Variants in SMCO4 observed in about 807,000 individuals in gnomAD.
SMCO4 encodes the protein single-pass membrane and coiled-coil domain-containing protein 4.
A neutral mutation model predicts 3.6 loss-of-function variants in SMCO4; 4 were observed. The observed-to-expected ratio is 1.11, with a 90% CI of 0.54 to 2.53. SMCO4 has a LOEUF of 2.53. SMCO4 is among the 30% of genes most tolerant of loss of function. The probability of loss-of-function intolerance (pLI) is 0.02; values close to 1 mark genes in which losing one functional copy is unlikely to be tolerated. For synonymous variants in SMCO4, 36 were observed against 35.3 expected, an observed-to-expected ratio of 1.02 and a Z score of -0.07; for missense variants, 70 against 80.8, an observed-to-expected ratio of 0.87 and a Z score of 0.51.
At chr11:93,531,064 C>T (rs1949157399) in intron 1 of SMCO4, among the ~76,000 whole-genome samples, 1 of 152,132 alleles carries the variant, frequency 6.6e-6, no homozygotes, top group Non-Finnish European at 1.5e-5. Context: ...AGACTTTTGG[C>T]CAAAGATTAT....
intron 1 of SMCO4, among the ~76,000 whole-genome samples, chr11:93,536,049 A>G (rs915866711): frequency 1.8e-4 from 28 of 152,194 alleles, no homozygotes; most frequent in African/African-American, 6.8e-4. Context: ...CCTGGATTAT[A>G]GATAAAAAGT....
intron 1 of SMCO4, among the ~76,000 whole-genome samples, chr11:93,500,171 T>C (rs1591311129): frequency 1.3e-5 from 2 of 152,342 alleles, no homozygotes; most frequent in Middle Eastern, 3.4e-3. Context: ...CAAACAAACA[T>C]TTCATTTCAA....
intron 1 of SMCO4, among the ~76,000 whole-genome samples, chr11:93,539,143 C>A (rs1449855816): frequency 6.6e-6 from 1 of 152,178 alleles, no homozygotes; most frequent in Non-Finnish European, 1.5e-5. Flanking sequence ...CCTCCCAGAG[C>A]TACTGTGAGG....
chr11:93,526,266 C>T (rs893443460), intron 1 of SMCO4, among the ~76,000 whole-genome samples: 1 of 145,954 alleles, frequency 6.9e-6, no homozygotes, highest in Non-Finnish European at 1.5e-5. Context: ...CTTGGCTGCT[C>T]AAGATTAGAG....
At chr11:93,533,597 C>T (rs1949183623) in intron 1 of SMCO4, among the ~76,000 whole-genome samples, 1 of 152,156 alleles carries the variant, frequency 6.6e-6, no homozygotes, top group Non-Finnish European at 1.5e-5. Context: ...CACTAGCAAT[C>T]CCCTAACCCT....
chr11:93,532,482 A>C (rs1342254688), intron 1 of SMCO4, among the ~76,000 whole-genome samples: 1 of 152,204 alleles, frequency 6.6e-6, no homozygotes, highest in African/African-American at 2.4e-5. Context: ...ACTTGGACGG[A>C]GTCCCGCTGC....
At chr11:93,499,529 A>G (rs1297468727) in intron 1 of SMCO4, among the ~76,000 whole-genome samples, 181 bp from the exon 2 acceptor site, 1 of 152,122 alleles carries the variant, frequency 6.6e-6, no homozygotes, top group Non-Finnish European at 1.5e-5. Context: ...AGACAGATAC[A>G]CTGGCACATG....
chr11:93,496,576 A>G (rs899371982), intron 2 of SMCO4, among the ~76,000 whole-genome samples: 2 of 152,066 alleles, frequency 1.3e-5, no homozygotes, highest in Non-Finnish European at 2.9e-5. Flanking sequence ...CCAGCCTCAG[A>G]GGTGACCCCT....
At chr11:93,527,036 G>A (rs1490201405) in intron 1 of SMCO4, among the ~76,000 whole-genome samples, 3 of 152,150 alleles carry the variant, frequency 2.0e-5, no homozygotes, top group Non-Finnish European at 4.4e-5. Context: ...ACCTTCTCAA[G>A]ACACAACAGA....
chr11:93,536,323 TAGAG>T (rs1237346142), intron 1 of SMCO4, among the ~76,000 whole-genome samples: 1 of 152,230 alleles, frequency 6.6e-6, no homozygotes, highest in Non-Finnish European at 1.5e-5. Flanking sequence ...ATTCTACTCC[TAGAG>T]AAACATGTGC....
At position 93,499,015 on chromosome 11, in the gene SMCO4, G is replaced by C. The variant is rs574904014; in HGVS notation, c.-81+261C>G. ...AGGAAGGGTGAGACCATCAGGGGAA[G>C]GGCAAACGAGAACACAAACATCACA... On this transcript the variant is annotated intron_variant, in intron 2 of 2. Transcript: ENST00000298966. Among the ~76,000 whole-genome samples, 35 of 152,238 alleles carry C rather than the reference G, an allele frequency of 2.3e-4. No individual in the cohort carries two copies. In the South Asian group the frequency reaches 7.3e-3, roughly 32 times the overall value.
At chr11:93,483,975 G>C (rs1948620496) in intron 2 of SMCO4, among the ~76,000 whole-genome samples, 1 of 152,228 alleles carries the variant, frequency 6.6e-6, no homozygotes, top group African/African-American at 2.4e-5. Context: ...CCAGCAAGCA[G>C]CTCAGGCAGG....
intron 1 of SMCO4, among the ~76,000 whole-genome samples, chr11:93,536,951 T>C (rs1313023969): frequency 6.6e-6 from 1 of 152,186 alleles, no homozygotes; most frequent in Non-Finnish European, 1.5e-5. Flanking sequence ...GATGACAGAC[T>C]GAATTGGGAC....
intron 1 of SMCO4, among the ~76,000 whole-genome samples, chr11:93,513,343 T>C (rs961659808): frequency 1.3e-5 from 2 of 152,252 alleles, no homozygotes; most frequent in African/African-American, 4.8e-5. Flanking sequence ...TTTGACAAAA[T>C]AAAACTCAAA....
chr11:93,498,057 T>C (rs1591309801), intron 2 of SMCO4, among the ~76,000 whole-genome samples: 1 of 152,170 alleles, frequency 6.6e-6, no homozygotes, highest in African/African-American at 2.4e-5. Context: ...ACCACTTGGA[T>C]AATTTCTTAA....
At chr11:93,515,089 C>G (rs1256020829) in intron 1 of SMCO4, among the ~76,000 whole-genome samples, 1 of 152,144 alleles carries the variant, frequency 6.6e-6, no homozygotes, top group Non-Finnish European at 1.5e-5. Flanking sequence ...CTCTCTGCTC[C>G]CCAAAATATA....
At chr11:93,538,834 C>T (rs899329999) in intron 1 of SMCO4, among the ~76,000 whole-genome samples, 1 of 152,150 alleles carries the variant, frequency 6.6e-6, no homozygotes, top group African/African-American at 2.4e-5. Flanking sequence ...TCTCTCAAGA[C>T]ATTACTTTAA....
intron 1 of SMCO4, among the ~76,000 whole-genome samples, chr11:93,531,036 A>C (rs1317604513): frequency 6.6e-6 from 1 of 152,230 alleles, no homozygotes; most frequent in African/African-American, 2.4e-5. Flanking sequence ...TGTCAACTTG[A>C]CTGGGCCATG....
intron 1 of SMCO4, among the ~76,000 whole-genome samples, chr11:93,510,555 G>A (rs760066785): frequency 6.6e-6 from 1 of 152,196 alleles, no homozygotes. Context: ...CAGCCCAGAT[G>A]TAGGCTTGTA....
Sources: gnomAD v4.1 joint callset for allele counts (sites outside exome capture counted in the v4.1 genomes callset) on GRCh38, gnomAD v4.1.1 for gene constraint, MANE v1.5 for transcripts, NCBI Gene and HGNC (gene_info 2026-07-23, HGNC 2026-07-21) for gene names.